ZFAND3: variants seen among roughly 807,000 people sequenced by gnomAD.
ZFAND3 encodes the protein zinc finger AN1-type containing 3.
Under a neutral mutation model 29.6 loss-of-function variants are expected in ZFAND3, and 10 were observed. The observed-to-expected ratio is 0.34, with a 90% CI of 0.21 to 0.57. The LOEUF (loss-of-function observed/expected upper bound fraction) is 0.57. Among genes scored for constraint, ZFAND3 ranks in the 20% least tolerant of loss-of-function variants. ZFAND3 has a pLI of 0.86. For synonymous variants in ZFAND3, 128 were observed against 112.6 expected, an observed-to-expected ratio of 1.14 and a Z score of -0.87; for missense variants, 230 against 304.5, an observed-to-expected ratio of 0.76 and a Z score of 1.82.
Position 38,112,088 on chromosome 6 carries a change from T to G in ZFAND3, c.362-4484T>G, listed in dbSNP as rs1034515323. Among the ~76,000 whole-genome samples the G allele has an allele frequency of 4.6e-5, 7 of 152,300 alleles. No individual in the cohort carries two copies. The East Asian group carries it at 1.4e-3, about 29-fold the overall frequency. Reference sequence around the variant, plus strand: ...AAATCCTTCTTCTTAAGATTTTCCTTCCTTATTTAATCACATTATGATTCT... The same window carrying G: ...AAATCCTTCTTCTTAAGATTTTCCTGCCTTATTTAATCACATTATGATTCT... On this transcript the variant is annotated intron_variant, in intron 4 of 5. Coordinates refer to ENST00000287218, the MANE Select transcript of ZFAND3 (RefSeq NM_021943.3).
chr6:37,994,287 A>C (rs1762811669), intron 2 of ZFAND3, among the ~76,000 whole-genome samples: 1 of 152,104 alleles, frequency 6.6e-6, no homozygotes, highest in Admixed American at 6.6e-5. Flanking sequence ...AACTGACAAA[A>C]CACTCTTTTG....
intron 5 of ZFAND3, among the ~76,000 whole-genome samples, chr6:38,144,198 T>G (rs1481760434): frequency 5.0e-5 from 2 of 40,260 alleles, no homozygotes; most frequent in Non-Finnish European, 1.1e-4. Context: ...TATATATATA[T>G]ATATATATAT....
chr6:38,107,572 C>A (rs145858892), intron 4 of ZFAND3, among the ~76,000 whole-genome samples: 11 of 152,342 alleles, frequency 7.2e-5, no homozygotes, highest in Admixed American at 2.0e-4. Context: ...TGGCTCACAC[C>A]TGTAATCCCA....
At chr6:37,831,753 A>G (rs1205874872) in intron 1 of ZFAND3, among the ~76,000 whole-genome samples, 3 of 152,156 alleles carry the variant, frequency 2.0e-5, no homozygotes, top group Admixed American at 6.5e-5. Flanking sequence ...GGAATGGGAA[A>G]GTGTGCTGAA....
intron 4 of ZFAND3, among the ~76,000 whole-genome samples, chr6:38,092,466 A>G: frequency 6.6e-6 from 1 of 152,252 alleles, no homozygotes; most frequent in East Asian, 1.9e-4. Context: ...ACAGGAAGAT[A>G]GATTATGCCA....
chr6:37,967,456 G>A (rs775856791), intron 2 of ZFAND3, among the ~76,000 whole-genome samples: 12 of 152,136 alleles, frequency 7.9e-5, no homozygotes, highest in Non-Finnish European at 1.8e-4. Context: ...AGGAGCCTTG[G>A]TTCTTTTTAA....
intron 5 of ZFAND3, among the ~76,000 whole-genome samples, chr6:38,132,322 A>T (rs1765757959): frequency 6.6e-6 from 1 of 152,164 alleles, no homozygotes; most frequent in Non-Finnish European, 1.5e-5. Flanking sequence ...ACCAGCCTGG[A>T]CAATGTAGCA....
intron 1 of ZFAND3, among the ~76,000 whole-genome samples, chr6:37,846,743 GCT>G (rs1027473510): frequency 4.8e-5 from 7 of 146,184 alleles, no homozygotes; most frequent in African/African-American, 1.8e-4. Context: ...ATGGAGTCTC[GCT>G]CTGTCGCCCA....
At chr6:38,029,192 T>C (rs1293183676) in intron 2 of ZFAND3, among the ~76,000 whole-genome samples, 2 of 152,208 alleles carry the variant, frequency 1.3e-5, no homozygotes, top group Non-Finnish European at 2.9e-5. Context: ...ATTTAAATAG[T>C]ACAGCTTATA....
chr6:38,061,163 A>G (rs1337927192), intron 2 of ZFAND3, among the ~76,000 whole-genome samples: 1 of 152,138 alleles, frequency 6.6e-6, no homozygotes, highest in Non-Finnish European at 1.5e-5. Flanking sequence ...ATTTATTACC[A>G]TTACTGACAT....
intron 1 of ZFAND3, among the ~76,000 whole-genome samples, chr6:37,860,274 T>C (rs1370436298): frequency 6.7e-6 from 1 of 149,808 alleles, no homozygotes; most frequent in Non-Finnish European, 1.5e-5. Flanking sequence ...TAAAGAGGAA[T>C]AATATTATAA....
intron 2 of ZFAND3, among the ~76,000 whole-genome samples, chr6:38,002,619 A>G (rs982833043): frequency 2.6e-5 from 4 of 151,970 alleles, no homozygotes; most frequent in Admixed American, 6.6e-5. Context: ...GGAGGTTGCA[A>G]TTGCCACTGC....
intron 1 of ZFAND3, among the ~76,000 whole-genome samples, chr6:37,887,416 AAAG>A (rs1322061170): frequency 2.0e-5 from 3 of 152,216 alleles, no homozygotes; most frequent in Admixed American, 1.3e-4. Context: ...AAAATTATTA[AAAG>A]AAATATATTT....
intron 2 of ZFAND3, among the ~76,000 whole-genome samples, chr6:37,988,859 G>T (rs1048519064): frequency 1.3e-5 from 2 of 151,950 alleles, no homozygotes; most frequent in African/African-American, 2.4e-5. Flanking sequence ...GTGCTTGTTC[G>T]CATGTTTTTT....
chr6:38,149,563 C>T (rs930100026), intron 5 of ZFAND3, among the ~76,000 whole-genome samples: 1 of 151,846 alleles, frequency 6.6e-6, no homozygotes, highest in Admixed American at 6.6e-5. Context: ...GGTAGCTACT[C>T]CTTGGGCGGT....
intron 5 of ZFAND3, among the ~76,000 whole-genome samples, chr6:38,134,568 C>G (rs1765804936): frequency 6.6e-6 from 1 of 152,146 alleles, no homozygotes; most frequent in Non-Finnish European, 1.5e-5. Context: ...TAGCTTCTTT[C>G]CCTTGCTGGA....
At chr6:37,822,631 G>A (rs1033055740) in intron 1 of ZFAND3, among the ~76,000 whole-genome samples, 5 of 152,190 alleles carry the variant, frequency 3.3e-5, no homozygotes, top group Non-Finnish European at 7.3e-5. Flanking sequence ...GTTGCAATAC[G>A]TTGTACAGGT....
intron 5 of ZFAND3, among the ~76,000 whole-genome samples, chr6:38,136,905 G>T (rs911320677): frequency 6.6e-6 from 1 of 152,218 alleles, no homozygotes; most frequent in African/African-American, 2.4e-5. Flanking sequence ...GGGGGTTCCA[G>T]ATTTACAAAC....
intron 1 of ZFAND3, among the ~76,000 whole-genome samples, chr6:37,916,800 GT>G (rs1226129502): frequency 6.6e-6 from 1 of 152,238 alleles, no homozygotes; most frequent in Non-Finnish European, 1.5e-5. Context: ...ATAAACATAA[GT>G]TTTAAGTTGC....
Sources: allele counts gnomAD v4.1 joint callset (sites outside exome capture counted in the v4.1 genomes callset), GRCh38; gene constraint gnomAD v4.1.1; transcripts MANE v1.5; gene names NCBI Gene and HGNC (gene_info 2026-07-23, HGNC 2026-07-21).